The following CFAP97D2 variants were observed in gnomAD, a reference collection of about 807,000 sequenced individuals.
CFAP97D2 encodes the protein CFAP97 domain containing 2.
rs1304860443 is a variant in CFAP97D2, at chr13:114,218,966, G to A, written c.481-3532G>A. On this transcript the variant is annotated intron_variant, in intron 4 of 4. Coordinates refer to ENST00000646158, the Ensembl canonical transcript of CFAP97D2. ...CAATACCATTCAGGACATAGGCATGGGCAAGGACTTCATGACTAAAACACC... is the reference window on the plus strand; with the variant it reads ...CAATACCATTCAGGACATAGGCATGAGCAAGGACTTCATGACTAAAACACC... Among the ~76,000 whole-genome samples, 4 of 152,164 alleles carry A rather than the reference G, an allele frequency of 2.6e-5. No homozygotes were observed. The East Asian group carries it at 7.7e-4, about 29-fold the overall frequency.
intron 3 of CFAP97D2, among the ~76,000 whole-genome samples, chr13:114,204,156 A>G (rs2080929688): frequency 6.6e-6 from 1 of 152,222 alleles, no homozygotes; most frequent in South Asian, 2.1e-4. Flanking sequence ...CGGGCAGCCC[A>G]CAGGAGAGAG....
At chr13:114,219,058 A>C (rs932194083) in intron 4 of CFAP97D2, among the ~76,000 whole-genome samples, 4 of 152,266 alleles carry the variant, frequency 2.6e-5, no homozygotes, top group African/African-American at 9.6e-5. Context: ...ACTTCTGCAC[A>C]GCAAAAGAAA....
chr13:114,209,490 A>G lies in CFAP97D2; in HGVS notation c.291-2422A>G, dbSNP rs975249409. 5.9e-5 allele frequency among the ~76,000 whole-genome samples: 9 copies of G among 152,182 alleles called. No homozygotes were observed. The South Asian group carries it at 8.3e-4, about 14-fold the overall frequency. The stretch of plus-strand genomic sequence containing the variant: ...CTTCCTGGTATGTGAAAAGAAATCT[A>G]GAGTGTTCGTGTAGGCCTAGCTCTT... On this transcript the variant is annotated intron_variant, in intron 3 of 4. Transcript: ENST00000646158.
At chr13:114,182,304 T>C (rs564305291) in intron 1 of CFAP97D2, among the ~76,000 whole-genome samples, 75 of 152,178 alleles carry the variant, frequency 4.9e-4, no homozygotes, top group Non-Finnish European at 7.4e-4. Context: ...GCAGCATTAC[T>C]GCAAACATGT....
chr13:114,211,838 C>A lies in CFAP97D2; in HGVS notation c.291-74C>A. On this transcript the variant is annotated intron_variant, in intron 3 of 4. Transcript: ENST00000646158. The surrounding 1 kb of genome is among the most constrained non-coding windows in gnomAD (Gnocchi z 4.2). ...CCCGGGACCCCTTCCTGCTCTGGAG[C>A]CTGTTGGCCCTGTGGAGGGAATGGC... 2 of 398,122 alleles carry A rather than the reference C, an allele frequency of 5.0e-6. No individual in the cohort carries two copies. The highest frequency in any genetic ancestry group is 8.8e-6 in the Non-Finnish European group (2 of 226,036). The allele number at this position is 398,122 out of a possible 1,614,324, so 24.7% of individuals were successfully genotyped here.
chr13:114,194,191 T>G (rs1490942494), intron 1 of CFAP97D2, among the ~76,000 whole-genome samples: 1 of 152,154 alleles, frequency 6.6e-6, no homozygotes, highest in East Asian at 1.9e-4. Flanking sequence ...CAAACCATAA[T>G]GAAGTAATGG....
intron 4 of CFAP97D2, among the ~76,000 whole-genome samples, chr13:114,216,745 A>G (rs1042369438): frequency 5.9e-5 from 9 of 152,232 alleles, no homozygotes; most frequent in Non-Finnish European, 1.2e-4. Flanking sequence ...GTGCTGCAAT[A>G]AACATACGTG....
intron 4 of CFAP97D2, among the ~76,000 whole-genome samples, chr13:114,217,022 T>C (rs1470206190): frequency 6.6e-6 from 1 of 152,236 alleles, no homozygotes; most frequent in Non-Finnish European, 1.5e-5. Flanking sequence ...GGTTTTGATT[T>C]GCATTTCTCT....
At chr13:114,209,246 T>C (rs1247087225) in intron 3 of CFAP97D2, among the ~76,000 whole-genome samples, 1 of 152,240 alleles carries the variant, frequency 6.6e-6, no homozygotes, top group African/African-American at 2.4e-5. Flanking sequence ...ACAGCTAATT[T>C]GCTCCAGTGA....
At chr13:114,202,328 T>G (rs900963098) in intron 3 of CFAP97D2, among the ~76,000 whole-genome samples, 1 of 152,186 alleles carries the variant, frequency 6.6e-6, no homozygotes, top group African/African-American at 2.4e-5. Flanking sequence ...CAAATGGATT[T>G]CAAGTGGGAT....
In CFAP97D2 at chr13:114,211,011, G is replaced by T. The variant is rs1190958411; in HGVS notation, c.291-901G>T. Among the ~76,000 whole-genome samples the T allele has an allele frequency of 6.6e-6, 1 of 152,202 alleles. No individual in the cohort carries two copies. The highest frequency in any genetic ancestry group is 1.5e-5 in the Non-Finnish European group (1 of 68,044). On this transcript the variant is annotated intron_variant, in intron 3 of 4. Transcript: ENST00000646158. The surrounding 1 kb of genome is among the most constrained non-coding windows in gnomAD (Gnocchi z 4.2). The stretch of plus-strand genomic sequence containing the variant: ...TATGCACAGGACAGTGCCTGGCACA[G>T]AGGAAGTGCCCAACAAGTCTCCAGA...
Position 114,195,123 on chromosome 13 carries a change from G to A in CFAP97D2, c.91-1273G>A, listed in dbSNP as rs551717708. Reference sequence around the variant, plus strand: ...CCGCCCAGTGGCCCCACAGCCCTGGGCATGCTGCAGGCCCAGGTCTCCTCC... The same window carrying A: ...CCGCCCAGTGGCCCCACAGCCCTGGACATGCTGCAGGCCCAGGTCTCCTCC... On this transcript the variant is annotated intron_variant, in intron 1 of 4. Transcript: ENST00000646158. 3.1e-4 allele frequency among the ~76,000 whole-genome samples: 47 copies of A among 152,308 alleles called. 1 individual carries two copies. In the South Asian group the frequency reaches 9.7e-3, roughly 32 times the overall value.
At chr13:114,181,534 G>A (rs2080832505) in intron 1 of CFAP97D2, among the ~76,000 whole-genome samples, 1 of 152,146 alleles carries the variant, frequency 6.6e-6, no homozygotes, top group Non-Finnish European at 1.5e-5. Flanking sequence ...GAAGGGTGAG[G>A]AGCAGCCGGG....
At chr13:114,213,559 C>A (rs2080979017) in intron 4 of CFAP97D2, among the ~76,000 whole-genome samples, 1 of 143,368 alleles carries the variant, frequency 7.0e-6, no homozygotes, top group Non-Finnish European at 1.5e-5. Flanking sequence ...ATGAACCCCA[C>A]CCCTATGGAA....
intron 2 of CFAP97D2, among the ~76,000 whole-genome samples, chr13:114,198,978 A>G (rs369418033): frequency 7.0e-3 from 86 of 12,230 alleles, no homozygotes; most frequent in East Asian, 0.014. Flanking sequence ...TACGGTCCCC[A>G]CTGAGGCGTG....
intron 1 of CFAP97D2, among the ~76,000 whole-genome samples, chr13:114,195,916 C>CA (rs34374094): frequency 0.036 from 4,681 of 128,340 alleles, 108 homozygotes; most frequent in Non-Finnish European, 0.054. Context: ...CTAAAAATTA[C>CA]AAAAAAAAAA....
In CFAP97D2 at chr13:114,185,735, A is replaced by G. The variant is rs970914823; in HGVS notation, c.90+6315A>G. 6.6e-6 allele frequency among the ~76,000 whole-genome samples: 1 copy of G among 152,242 alleles called. No individual in the cohort carries two copies. The highest frequency in any genetic ancestry group is 1.5e-5 in the Non-Finnish European group (1 of 68,030). Reference sequence around the variant, plus strand: ...TGTGCCCACACTTAGGGCAGAAGTGACATGCCAGCCCCTTGCCACCTCAGC... The same window carrying G: ...TGTGCCCACACTTAGGGCAGAAGTGGCATGCCAGCCCCTTGCCACCTCAGC... On this transcript the variant is annotated intron_variant, in intron 1 of 4. Coordinates refer to ENST00000646158, the Ensembl canonical transcript of CFAP97D2. The surrounding 1 kb of genome is among the most constrained non-coding windows in gnomAD (Gnocchi z 5.2).
rs2080946951 is a variant in CFAP97D2 at position 114,207,569 on chromosome 13, T to C, written c.291-4343T>C. Among the ~76,000 whole-genome samples, 2 of 152,216 alleles carry C rather than the reference T, an allele frequency of 1.3e-5. No homozygotes were observed. Among genetic ancestry groups the C allele is most frequent in the African/African-American group, 4.8e-5 (2 of 41,434 alleles). ...TGACAATCTAATGGCACTGCTGATC[T>C]GACAGGAGGTGGAGCTCAGGCAGTA... is the stretch of plus-strand genomic sequence containing the variant. On this transcript the variant is annotated intron_variant, in intron 3 of 4. Coordinates refer to ENST00000646158, the Ensembl canonical transcript of CFAP97D2. This position sits in a 1 kb window ranked among gnomAD's most constrained non-coding sequence, Gnocchi z 4.9.
intron 2 of CFAP97D2, among the ~76,000 whole-genome samples, chr13:114,197,340 G>T (rs2080892891): frequency 6.6e-6 from 1 of 152,096 alleles, no homozygotes; most frequent in African/African-American, 2.4e-5. Context: ...GAGTCTTTTT[G>T]TCAGTTTTAA....
Sources: gnomAD v4.1 joint callset for allele counts (sites outside exome capture counted in the v4.1 genomes callset) on GRCh38, gnomAD v4.1.1 for gene constraint, Gnocchi (gnomAD v3.1) non-coding constraint, MANE v1.5 for transcripts, NCBI Gene and HGNC (gene_info 2026-07-23, HGNC 2026-07-21) for gene names.